The following TRIM59 variants were observed in gnomAD, a reference collection of about 807,000 sequenced individuals.
TRIM59 encodes the protein tripartite motif containing 59.
In TRIM59, 14 loss-of-function variants were observed where a neutral mutation model predicts 32.2. The ratio of observed to expected loss-of-function variants is 0.43; its 90% CI spans 0.29 to 0.68. The LOEUF is 0.68. Among genes scored for constraint, TRIM59 ranks in the 30% least tolerant of loss-of-function variants. The probability of loss-of-function intolerance (pLI) is 0.15; values close to 1 mark genes in which losing one functional copy is unlikely to be tolerated. For synonymous variants in TRIM59, 163 were observed against 155.1 expected, an observed-to-expected ratio of 1.05 and a Z score of -0.38; for missense variants, 471 against 463.3, an observed-to-expected ratio of 1.02 and a Z score of -0.15.
In TRIM59 at chr3:160,438,280, T is replaced by G. The variant is rs769174178; in HGVS notation, c.904A>C (p.Ile302Leu). 11 of 1,613,852 alleles carry G rather than the reference T, an allele frequency of 6.8e-6. No individual in the cohort carries two copies. In the Admixed American group the frequency reaches 1.7e-4, roughly 24 times the overall value. The change falls in exon 3 of 3, where the codon ATT (isoleucine) becomes CTT (leucine). Residue 302 changes from isoleucine (I) to leucine (L), a missense_variant. Physicochemically the swap from Ile to Leu is conservative, Grantham distance 5. Transcript: ENST00000309784. Reference protein sequence around the residue: ...TEIGQIKNVLIPKMKISPKRM... With the variant: ...TEIGQIKNVLLPKMKISPKRM... The stretch of plus-strand genomic sequence containing the variant: ...TTTGGAGAAATTTTCATTTTGGGAA[T>G]GAGAACGTTCTTAATTTGTCCAATT...
Position 160,439,129 on chromosome 3 carries a change from C to A in TRIM59, c.55G>T (p.Asp19Tyr), listed in dbSNP as rs780099101. ...TGAGAGCATGGCAGTACACGAGGATCTTCAAAAATACTATAACATATGGGA... is the reference window on the plus strand; with the variant it reads ...TGAGAGCATGGCAGTACACGAGGATATTCAAAAATACTATAACATATGGGA... ...TCPICYSIFEDPRVLPCSHTF... is the reference protein window; with the variant it reads ...TCPICYSIFEYPRVLPCSHTF... Residue 19 changes from aspartate (D) to tyrosine (Y), a missense_variant, in exon 3 of 3, where the codon GAT becomes TAT. Transcript: ENST00000309784. 6.6e-7 allele frequency: 1 copy of A among 1,513,418 alleles called. No homozygotes were observed. Among genetic ancestry groups the A allele is most frequent in the South Asian group, 1.4e-5 (1 of 73,238 alleles). The allele number at this position is 1,513,418 out of a possible 1,614,324, so 93.7% of individuals were successfully genotyped here.
chr3:160,449,400 G>C, intron 1 of TRIM59: 1 of 860,014 alleles, frequency 1.2e-6, no homozygotes, highest in African/African-American at 1.8e-5. Flanking sequence ...CTCCTAACGC[G>C]CCTCCACCTC....
chr3:160,448,738 G>C lies in TRIM59; in HGVS notation c.-16C>G, dbSNP rs1719665969. On this transcript the variant is annotated 5_prime_UTR_variant, in exon 2 of 3. Coordinates refer to ENST00000309784, the MANE Select transcript of TRIM59 (RefSeq NM_173084.3). ...CCAGATTACCTACTTTGTTGATCTCGTGGTTTGGGGGCTGAATACACTCTT... is the reference window on the plus strand; with the variant it reads ...CCAGATTACCTACTTTGTTGATCTCCTGGTTTGGGGGCTGAATACACTCTT... 1 of 1,282,522 alleles carries C rather than the reference G, an allele frequency of 7.8e-7. No homozygotes were observed. The highest frequency in any genetic ancestry group is 2.6e-4 in the Middle Eastern group (1 of 3,890). The allele number at this position is 1,282,522 out of a possible 1,614,324, so 79.4% of individuals were successfully genotyped here.
Position 160,436,276 on chromosome 3 carries a change from A to G in TRIM59, c.*1696T>C. 1 of 989,582 alleles carries G rather than the reference A, an allele frequency of 1.0e-6. No individual in the cohort carries two copies. The highest frequency in any genetic ancestry group is 5.2e-4 in the Middle Eastern group (1 of 1,920). 61.3% of individuals were successfully genotyped at this position (989,582 alleles called of 1,614,324 possible). ...TTTATGTGCAATCTGTAGGGCCAGG[A>G]GCATAGTCTAATCTGACCCAGAATG... On this transcript the variant is annotated 3_prime_UTR_variant, in exon 3 of 3. Coordinates refer to ENST00000309784, the MANE Select transcript of TRIM59 (RefSeq NM_173084.3).
At position 160,436,499 on chromosome 3, in the gene TRIM59, TAAA is replaced by T; in HGVS notation, c.*1470_*1472del. 1.0e-6 allele frequency: 1 copy of T among 985,794 alleles called. No homozygotes were observed. The highest frequency in any genetic ancestry group is 1.2e-6 in the Non-Finnish European group (1 of 829,976). The allele number at this position is 985,794 out of a possible 1,614,324, so 61.1% of individuals were successfully genotyped here. ...AATTGGCCCTCTTAAGCAAAGCTAA[TAAA>T]AGATTAAGTTGTTGGGCCGGGCGTG... On this transcript the variant is annotated 3_prime_UTR_variant, in exon 3 of 3. Coordinates refer to ENST00000309784, the MANE Select transcript of TRIM59 (RefSeq NM_173084.3).
In TRIM59 at chr3:160,438,814, C is replaced by A. The variant is rs1719104682; in HGVS notation, c.370G>T (p.Gly124Cys). The A allele has an allele frequency of 6.2e-7, 1 of 1,613,816 alleles. No individual in the cohort carries two copies. Among genetic ancestry groups the A allele is most frequent in the African/African-American group, 1.3e-5 (1 of 74,892 alleles). Residue 124 changes from glycine to cysteine, a missense_variant, in exon 3 of 3, where the codon GGT (glycine) becomes TGT (cysteine). By Grantham distance (159) the Gly-to-Cys change is radical. Coordinates refer to ENST00000309784, the MANE Select transcript of TRIM59 (RefSeq NM_173084.3). ...TCTATAGGATGACCATGATGTTGACCTATGGTAAGGCAATGACCACAAACT... is the reference window on the plus strand; with the variant it reads ...TCTATAGGATGACCATGATGTTGACATATGGTAAGGCAATGACCACAAACT... ...KLVCGHCLTI[G>C]QHHGHPIDDL...
chr3:160,437,345 C>T lies in TRIM59; in HGVS notation c.*627G>A. The T allele has an allele frequency of 4.1e-6, 4 of 983,194 alleles. No homozygotes were observed. Among genetic ancestry groups the T allele is most frequent in the African/African-American group, 1.7e-5 (1 of 57,180 alleles). The allele number at this position is 983,194 out of a possible 1,614,324, so 60.9% of individuals were successfully genotyped here. A position where few individuals can be genotyped will look rare whatever the true frequency, so the allele number is the denominator to read the frequency against. On this transcript the variant is annotated 3_prime_UTR_variant, in exon 3 of 3. Transcript: ENST00000309784. ...CTCCAGCCTGGGCAACAAGGTGAGA[C>T]CCAGTCTCAAAAATTTCTTTTAAAA...
At chr3:160,445,771 C>T (rs1719498104) in intron 2 of TRIM59, among the ~76,000 whole-genome samples, 1 of 96,598 alleles carries the variant, frequency 1.0e-5, no homozygotes, top group Admixed American at 1.0e-4. Flanking sequence ...AAGACTCTGT[C>T]TCAAAAAAAA....
intron 2 of TRIM59, among the ~76,000 whole-genome samples, chr3:160,441,753 C>CAAAAAAAAAAAAAAA (rs538957200): frequency 1.0e-4 from 5 of 50,062 alleles, no homozygotes; most frequent in Non-Finnish European, 1.4e-4. Flanking sequence ...GACTCCATCT[C>CAAAAAAAAAAAAAAA]AAAAAAAAAA....
chr3:160,437,127 A>C lies in TRIM59; in HGVS notation c.*845T>G, dbSNP rs1185989917. On this transcript the variant is annotated 3_prime_UTR_variant, in exon 3 of 3. Coordinates refer to ENST00000309784, the MANE Select transcript of TRIM59 (RefSeq NM_173084.3). ...AGCACTTTGGGAGGCCAAGGTGGGC[A>C]GATCTCTTGAGCCCAGAAGTTTGAG... is the stretch of plus-strand genomic sequence containing the variant. 1.1e-6 allele frequency: 1 copy of C among 914,042 alleles called. No homozygotes were observed. Among genetic ancestry groups the C allele is most frequent in the Non-Finnish European group, 1.3e-6 (1 of 765,024 alleles). The allele number at this position is 914,042 out of a possible 1,614,324, so 56.6% of individuals were successfully genotyped here. A position where few individuals can be genotyped will look rare whatever the true frequency, so the allele number is the denominator to read the frequency against.
chr3:160,444,991 CTT>C (rs893480644), intron 2 of TRIM59, among the ~76,000 whole-genome samples: 17 of 151,802 alleles, frequency 1.1e-4, no homozygotes, highest in Non-Finnish European at 1.5e-5. Context: ...CAGAAATACT[CTT>C]CAGTAAAATC....
At position 160,437,275 on chromosome 3, in the gene TRIM59, G is replaced by A; in HGVS notation, c.*697C>T. 1.4e-6 allele frequency: 1 copy of A among 715,838 alleles called. No homozygotes were observed. The highest frequency in any genetic ancestry group is 1.7e-6 in the Non-Finnish European group (1 of 584,230). 44.3% of individuals were successfully genotyped at this position (715,838 alleles called of 1,614,324 possible). On this transcript the variant is annotated 3_prime_UTR_variant, in exon 3 of 3. Coordinates refer to ENST00000309784, the MANE Select transcript of TRIM59 (RefSeq NM_173084.3). ...AGGCAGAGGCGGGAGGATCGATTGA[G>A]CCTGGGTGGTCGAAACTGCAGTGAG...
Position 160,449,549 on chromosome 3 carries a change from C to T in TRIM59, c.-74+168G>A, listed in dbSNP as rs1719712460. The T allele has an allele frequency of 3.9e-6, 5 of 1,273,230 alleles. No individual in the cohort carries two copies. The South Asian group carries it at 6.3e-5, about 16-fold the overall frequency. 78.9% of individuals were successfully genotyped at this position (1,273,230 alleles called of 1,614,324 possible). On this transcript the variant is annotated intron_variant, in intron 1 of 2. Transcript: ENST00000309784. ...AGGGACGGGAAAGTGGCTCCCCAAA[C>T]TCCAGTATGGGACAAGAGGGAATGA...
In TRIM59 at chr3:160,436,181, G is replaced by A. The variant is rs1057174886; in HGVS notation, c.*1791C>T. Reference sequence around the variant, plus strand: ...AAATTGATATAATACAGTCATCTTAGTGTTAAGACTTATTCTCAGCAGGTA... The same window carrying A: ...AAATTGATATAATACAGTCATCTTAATGTTAAGACTTATTCTCAGCAGGTA... On this transcript the variant is annotated 3_prime_UTR_variant, in exon 3 of 3. Coordinates refer to ENST00000309784, the MANE Select transcript of TRIM59 (RefSeq NM_173084.3). 8 of 1,012,906 alleles carry A rather than the reference G, an allele frequency of 7.9e-6. No homozygotes were observed. Among genetic ancestry groups the A allele is most frequent in the East Asian group, 1.0e-4 (1 of 9,684 alleles). The allele number at this position is 1,012,906 out of a possible 1,614,324, so 62.7% of individuals were successfully genotyped here. A position where few individuals can be genotyped will look rare whatever the true frequency, so the allele number is the denominator to read the frequency against.
In TRIM59 at chr3:160,436,261, A is replaced by C; in HGVS notation, c.*1711T>G. 6 of 991,712 alleles carry C rather than the reference A, an allele frequency of 6.1e-6. No individual in the cohort carries two copies. The highest frequency in any genetic ancestry group is 7.2e-6 in the Non-Finnish European group (6 of 833,842). The allele number at this position is 991,712 out of a possible 1,614,324, so 61.4% of individuals were successfully genotyped here. A position where few individuals can be genotyped will look rare whatever the true frequency, so the allele number is the denominator to read the frequency against. The stretch of plus-strand genomic sequence containing the variant: ...CTGTATTTATGATAGTTTATGTGCA[A>C]TCTGTAGGGCCAGGAGCATAGTCTA... On this transcript the variant is annotated 3_prime_UTR_variant, in exon 3 of 3. Coordinates refer to ENST00000309784, the MANE Select transcript of TRIM59 (RefSeq NM_173084.3).
Position 160,436,213 on chromosome 3 carries a change from T to C in TRIM59, c.*1759A>G. 1.0e-6 allele frequency: 1 copy of C among 997,196 alleles called. No homozygotes were observed. Among genetic ancestry groups the C allele is most frequent in the Non-Finnish European group, 1.2e-6 (1 of 836,996 alleles). The allele number at this position is 997,196 out of a possible 1,614,324, so 61.8% of individuals were successfully genotyped here. A position where few individuals can be genotyped will look rare whatever the true frequency, so the allele number is the denominator to read the frequency against. Reference sequence around the variant, plus strand: ...GACTTATTCTCAGCAGGTAAGAGTTTTAGAACTAGTTCCCTGAAAAAGCTG... The same window carrying C: ...GACTTATTCTCAGCAGGTAAGAGTTCTAGAACTAGTTCCCTGAAAAAGCTG... On this transcript the variant is annotated 3_prime_UTR_variant, in exon 3 of 3. Transcript: ENST00000309784.
Position 160,436,943 on chromosome 3 carries a change from A to G in TRIM59, c.*1029T>C, listed in dbSNP as rs1719004377. The G allele has an allele frequency of 1.0e-6, 1 of 985,420 alleles. No homozygotes were observed. Among genetic ancestry groups the G allele is most frequent in the Non-Finnish European group, 1.2e-6 (1 of 829,932 alleles). The allele number at this position is 985,420 out of a possible 1,614,324, so 61.0% of individuals were successfully genotyped here. A position where few individuals can be genotyped will look rare whatever the true frequency, so the allele number is the denominator to read the frequency against. On this transcript the variant is annotated 3_prime_UTR_variant, in exon 3 of 3. Transcript: ENST00000309784. ...AAACCTGTTGCAGACCAAGTTACCA[A>G]CATGATTCTGTTCTAATAAGAATGA...
rs1168569774 is a variant in TRIM59, at chr3:160,441,727, C to A, written c.-3-2541G>T. 4.3e-4 allele frequency among the ~76,000 whole-genome samples: 61 copies of A among 141,944 alleles called. 1 individual carries two copies. The highest frequency in any genetic ancestry group is 1.6e-3 in the African/African-American group (60 of 37,868). 93.1% of individuals were successfully genotyped at this position (141,944 alleles called of 152,430 possible). On this transcript the variant is annotated intron_variant, in intron 2 of 2. Coordinates refer to ENST00000309784, the MANE Select transcript of TRIM59 (RefSeq NM_173084.3). ...CAAGTTCACACCACTGCACACCAGCCTGGGCAACAGAGTGAGACTCCATCT... is the reference window on the plus strand; with the variant it reads ...CAAGTTCACACCACTGCACACCAGCATGGGCAACAGAGTGAGACTCCATCT...
At position 160,436,033 on chromosome 3, in the gene TRIM59, G is replaced by A; in HGVS notation, c.*1939C>T. On this transcript the variant is annotated 3_prime_UTR_variant, in exon 3 of 3. Coordinates refer to ENST00000309784, the MANE Select transcript of TRIM59 (RefSeq NM_173084.3). ...GTGTGACTAGTATTTTAAGTAATCA[G>A]TGCAACTTAGTATTTTTATCTCTAG... 3 of 1,192,840 alleles carry A rather than the reference G, an allele frequency of 2.5e-6. No individual in the cohort carries two copies. In the South Asian group the frequency reaches 4.8e-5, roughly 19 times the overall value. The allele number at this position is 1,192,840 out of a possible 1,614,324, so 73.9% of individuals were successfully genotyped here.
Sources: allele counts gnomAD v4.1 joint callset (sites outside exome capture counted in the v4.1 genomes callset), GRCh38; gene constraint gnomAD v4.1.1; transcripts MANE v1.5; gene names NCBI Gene and HGNC (gene_info 2026-07-23, HGNC 2026-07-21).